The following INF2 variants were observed in gnomAD, a reference collection of about 807,000 sequenced individuals.
INF2 encodes the protein inverted formin 2.
Under a neutral mutation model 123.5 loss-of-function variants are expected in INF2, and 43 were observed. That is an observed-to-expected ratio of 0.35 (90% CI 0.27 to 0.45). INF2 has a LOEUF of 0.45. INF2 is among the 20% of genes least tolerant of loss of function. INF2 has a pLI of 1.00. For synonymous variants in INF2, 851 were observed against 745.0 expected, an observed-to-expected ratio of 1.14 and a Z score of -2.32; for missense variants, 1,453 against 1,682.7, an observed-to-expected ratio of 0.86 and a Z score of 2.39.
intron 18 of INF2, 70 bp from the exon 19 acceptor site, chr14:104,713,137 G>A: frequency 1.3e-6 from 2 of 1,596,838 alleles, no homozygotes; most frequent in Non-Finnish European, 1.7e-6. Flanking sequence ...TCAGGGAGGG[G>A]GACGCCCAGG....
At position 104,707,708 on chromosome 14, in the gene INF2, C is replaced by T. The variant is rs1889850977; in HGVS notation, c.1441C>T (p.Pro481Ser). The change falls in exon 8 of 23, where the codon CCA becomes TCA. Residue 481 changes from proline to serine, a missense_variant. Pro to Ser is a moderately conservative substitution (Grantham distance 74). Coordinates refer to ENST00000392634, the MANE Select transcript of INF2 (RefSeq NM_022489.4). ...PPAPPLPPPL[P>S]GSCEFLPPPP... ...AGCACCTCCTCTACCACCACCCCTG[C>T]CAGGCTCCTGTGAGTTCCTGCCCCC... The T allele has an allele frequency of 1.6e-6, 2 of 1,249,598 alleles. No homozygotes were observed. Among genetic ancestry groups the T allele is most frequent in the Non-Finnish European group, 2.2e-6 (2 of 893,422 alleles). 77.4% of individuals were successfully genotyped at this position (1,249,598 alleles called of 1,614,324 possible).
At chr14:104,687,479 T>TACAC (rs5811149), upstream of INF2, among the ~76,000 whole-genome samples, 814 of 131,984 alleles carry the variant, frequency 6.2e-3, 10 homozygotes, top group African/African-American at 0.02. This position sits in a 1 kb window ranked among gnomAD's most constrained non-coding sequence, Gnocchi z 5.6. Flanking sequence ...CACACACACA[T>TACAC]ACACACACAC....
intron 1 of INF2, among the ~76,000 whole-genome samples, chr14:104,683,839 C>T (rs1595145271): frequency 1.3e-5 from 2 of 152,198 alleles, no homozygotes; most frequent in East Asian, 1.9e-4. Flanking sequence ...CCTTCTCTGC[C>T]GCCCCACCCC....
intron 1 of INF2, chr14:104,700,967 G>C: frequency 1.5e-6 from 1 of 678,408 alleles, no homozygotes; most frequent in Non-Finnish European, 1.8e-6. Flanking sequence ...CATTACCGTG[G>C]GTAATGTTCC....
rs777115367 is a variant in INF2 at position 104,718,784 on chromosome 14, C to G, written c.*2-11C>G. 20 of 1,612,924 alleles carry G rather than the reference C, an allele frequency of 1.2e-5. No homozygotes were observed. Among genetic ancestry groups the G allele is most frequent in the Non-Finnish European group, 1.6e-5 (19 of 1,179,706 alleles). On this transcript the variant is annotated splice_polypyrimidine_tract_variant and intron_variant, in intron 22 of 22. Coordinates refer to ENST00000392634, the MANE Select transcript of INF2 (RefSeq NM_022489.4). ...TGCTCCTAATAATGTCATTTTTTCT[C>G]TCTCTTACAGGCCTCAGGCCCAGGC...
In INF2 at chr14:104,684,036, A is replaced by G. The variant is rs1888599540; in HGVS notation, c.-104+2454A>G. The stretch of plus-strand genomic sequence containing the variant: ...TCAAATTCCCAACACCAGGGTTGCA[A>G]GGCCCAGTGTCTTCTCACCTCGTTA... On this transcript the variant is annotated intron_variant, in intron 1 of 2. Coordinates refer to the INF2 transcript ENST00000674723. The surrounding 1 kb of genome is among the most constrained non-coding windows in gnomAD (Gnocchi z 5.0). 1 of 455,984 alleles carries G rather than the reference A, an allele frequency of 2.2e-6. No homozygotes were observed. Among genetic ancestry groups the G allele is most frequent in the Non-Finnish European group, 4.4e-6 (1 of 226,738 alleles). 28.2% of individuals were successfully genotyped at this position (455,984 alleles called of 1,614,324 possible). A position where few individuals can be genotyped will look rare whatever the true frequency, so the allele number is the denominator to read the frequency against.
At chr14:104,708,787 G>A in intron 10 of INF2, 55 bp downstream of exon 10, 1 of 1,577,242 alleles carries the variant, frequency 6.3e-7, no homozygotes, top group Non-Finnish European at 8.7e-7. Context: ...CTCCACCTGA[G>A]CCTTCTGACT....
chr14:104,706,596 G>A (rs1889791025), intron 6 of INF2, among the ~76,000 whole-genome samples: 2 of 152,270 alleles, frequency 1.3e-5, no homozygotes, highest in South Asian at 4.1e-4. Flanking sequence ...CCTGAACCTT[G>A]CAGCTCTCAT....
Position 104,706,957 on chromosome 14 carries a change from C to T in INF2, c.891C>T (p.Gly297=). 1 of 1,602,194 alleles carries T rather than the reference C, an allele frequency of 6.2e-7. No homozygotes were observed. The part of the protein sequence containing the change: ...VSAQLLSVLQ[G]LLHLEPTLRS... ...CCCAGCTCCTGTCGGTGCTGCAGGG[C>T]CTCCTGCACCTGGAGCCCACCCTCC... The change falls in exon 7 of 23, where the codon GGC becomes GGT. Residue 297 remains glycine (G), a synonymous_variant. Coordinates refer to ENST00000392634, the MANE Select transcript of INF2 (RefSeq NM_022489.4).
At position 104,701,561 on chromosome 14, in the gene INF2, G is replaced by C. The variant is rs1332843219; in HGVS notation, c.196G>C (p.Val66Leu). The change falls in exon 2 of 23, where the codon GTG (valine) becomes CTG (leucine). Residue 66 changes from valine (V) to leucine (L), a missense_variant. Val to Leu is a conservative substitution (Grantham distance 32). Around this residue, in one of 8 missense-constraint regions of INF2, gnomAD observed 251 missense variants for 349.4 expected, o/e 0.72. Transcript: ENST00000392634. The part of the protein sequence containing the change: ...RLEGSDGGWM[V>L]QFLEQSGLDL... Reference sequence around the variant, plus strand: ...GGAGGGCAGCGACGGCGGCTGGATGGTGCAGTTCCTGGAGCAGAGCGGCCT... The same window carrying C: ...GGAGGGCAGCGACGGCGGCTGGATGCTGCAGTTCCTGGAGCAGAGCGGCCT... 6.2e-7 allele frequency: 1 copy of C among 1,608,730 alleles called. No individual in the cohort carries two copies. Among genetic ancestry groups the C allele is most frequent in the Non-Finnish European group, 8.5e-7 (1 of 1,179,040 alleles).
At chr14:104,690,353 C>A in intron 1 of INF2, 1 of 152,754 alleles carries the variant, frequency 6.5e-6, no homozygotes, top group Non-Finnish European at 1.5e-5. Flanking sequence ...TGGGGAGTCG[C>A]CCCAGGAGTG....
intron 10 of INF2, 37 bp from the exon 11 acceptor site, chr14:104,709,244 A>G: frequency 6.6e-7 from 1 of 1,507,216 alleles, no homozygotes; most frequent in Admixed American, 1.7e-5. Flanking sequence ...GTGACTCATG[A>G]TTCACTCACC....
In INF2 at chr14:104,699,389, G is replaced by A; in HGVS notation, c.-9-1968G>A. On this transcript the variant is annotated intron_variant, in intron 1 of 22. Coordinates refer to ENST00000392634, the MANE Select transcript of INF2 (RefSeq NM_022489.4). This position sits in a 1 kb window ranked among gnomAD's most constrained non-coding sequence, Gnocchi z 4.7. ...CAAGGCGGGTGGGAATATATGCAGA[G>A]GCCCGGCTGCCTGGCTCTTCATGGT... The A allele has an allele frequency of 4.1e-6, 4 of 985,374 alleles. No homozygotes were observed. The highest frequency in any genetic ancestry group is 4.8e-6 in the Non-Finnish European group (4 of 829,906). The allele number at this position is 985,374 out of a possible 1,614,324, so 61.0% of individuals were successfully genotyped here.
At chr14:104,681,804 C>G (rs948890614) in intron 1 of INF2, among the ~76,000 whole-genome samples, 1 of 152,224 alleles carries the variant, frequency 6.6e-6, no homozygotes, top group Non-Finnish European at 1.5e-5. Context: ...CCATGACATC[C>G]CCTTGGTTGC....
rs754313620 is a variant in INF2 at position 104,714,452 on chromosome 14, T to C, written c.3290T>C (p.Leu1097Ser). The C allele has an allele frequency of 3.1e-6, 5 of 1,611,626 alleles. No homozygotes were observed. The highest frequency in any genetic ancestry group is 3.4e-6 in the Non-Finnish European group (4 of 1,179,402). The change falls in exon 21 of 23, where the codon TTG becomes TCG. Residue 1097 changes from leucine to serine, a missense_variant. This residue lies in a region of INF2 where 344 missense variants were observed against 333.1 expected (regional missense o/e 1.03). Transcript: ENST00000392634. ...TTEDPQCPQP[L>S]EGAWPVTLGD... ...GAGGATCCCCAGTGCCCCCAGCCCT[T>C]GGAGGGGGCCTGGCCGGTGACTCTG...
At chr14:104,682,311 T>TC (rs1252847001) in intron 1 of INF2, among the ~76,000 whole-genome samples, 7 of 151,876 alleles carry the variant, frequency 4.6e-5, no homozygotes, top group Non-Finnish European at 8.8e-5. Flanking sequence ...GTGCTGGCCT[T>TC]CCCACCCCTC....
Position 104,702,963 on chromosome 14 carries a change from C to G in INF2, c.392-142C>G. 3 of 720,250 alleles carry G rather than the reference C, an allele frequency of 4.2e-6. No individual in the cohort carries two copies. The South Asian group carries it at 4.5e-5, about 11-fold the overall frequency. The allele number at this position is 720,250 out of a possible 1,614,324, so 44.6% of individuals were successfully genotyped here. ...GTGGGGCACCTCGTTGGGTCCCAGC[C>G]CACTGCTGTGGGCCACAGACAAGTG... On this transcript the variant is annotated intron_variant, in intron 2 of 22. Transcript: ENST00000392634.
At chr14:104,697,646 C>T (rs1276597527) in intron 1 of INF2, among the ~76,000 whole-genome samples, 3 of 152,246 alleles carry the variant, frequency 2.0e-5, no homozygotes, top group African/African-American at 7.2e-5. Context: ...GAGGTGCTGG[C>T]ATCACCACAC....
At chr14:104,692,687 C>T (rs1889012690) in intron 1 of INF2, among the ~76,000 whole-genome samples, 1 of 152,248 alleles carries the variant, frequency 6.6e-6, no homozygotes, top group Admixed American at 6.5e-5. Flanking sequence ...CCAGCCTGGA[C>T]CCCGGAGCCC....
Sources: gnomAD v4.1 joint callset for allele counts (sites outside exome capture counted in the v4.1 genomes callset) on GRCh38, gnomAD v4.1.1 for gene constraint, gnomAD v4.1.1 regional missense constraint, Gnocchi (gnomAD v3.1) non-coding constraint, MANE v1.5 for transcripts, NCBI Gene and HGNC (gene_info 2026-07-23, HGNC 2026-07-21) for gene names.